The following CDH4 variants were observed in gnomAD, a reference collection of about 807,000 sequenced individuals.
CDH4 encodes cadherin-4.
CDH4 carries 33 observed loss-of-function variants against 86.0 expected under a neutral mutation model. The ratio of observed to expected loss-of-function variants is 0.38; its 90% CI spans 0.29 to 0.51. The LOEUF (loss-of-function observed/expected upper bound fraction) is 0.51. Ranked by LOEUF, CDH4 falls within the 20% of genes least tolerant of loss-of-function variation. CDH4 has a pLI of 0.86. For synonymous variants in CDH4, 555 were observed against 549.4 expected (o/e 1.01, Z -0.14); for missense variants, 1,114 against 1,307.4 (o/e 0.85, Z 2.28).
intron 2 of CDH4, among the ~76,000 whole-genome samples, chr20:61,437,720 T>C (rs774335889): frequency 8.5e-5 from 13 of 152,182 alleles, no homozygotes; most frequent in Non-Finnish European, 1.9e-4. Context: ...TCCATTGTAC[T>C]CCACTTAAAA....
chr20:61,545,698 C>T (rs560920171), intron 2 of CDH4, among the ~76,000 whole-genome samples: 23 of 152,258 alleles, frequency 1.5e-4, no homozygotes, highest in African/African-American at 4.6e-4. Context: ...TCATGCTTGG[C>T]GCCAGCGGGC....
chr20:61,794,876 G>A (rs926026350), intron 4 of CDH4, among the ~76,000 whole-genome samples: 11 of 152,180 alleles, frequency 7.2e-5, no homozygotes, highest in African/African-American at 1.2e-4. Context: ...GTAACTATGC[G>A]CCTTATAGGA....
At chr20:61,862,854 C>T (rs371282914) in intron 6 of CDH4, among the ~76,000 whole-genome samples, 14 of 152,298 alleles carry the variant, frequency 9.2e-5, no homozygotes, top group African/African-American at 3.4e-4. Context: ...GCAGGGAAAT[C>T]TGCGTGCTGC....
At chr20:61,775,677 C>T (rs1267719227) in intron 4 of CDH4, among the ~76,000 whole-genome samples, 1 of 152,194 alleles carries the variant, frequency 6.6e-6, no homozygotes, top group Non-Finnish European at 1.5e-5. Context: ...CCCTCACAGG[C>T]ACAGGGTAGG....
intron 2 of CDH4, among the ~76,000 whole-genome samples, chr20:61,514,750 T>C (rs183928987): frequency 6.6e-6 from 1 of 152,320 alleles, no homozygotes; most frequent in Admixed American, 6.5e-5. Context: ...TTGAGACCAA[T>C]AGATTTATTG....
In CDH4 at chr20:61,777,617, C is replaced by T. The variant is rs1453232221; in HGVS notation, c.576+4435C>T. Among the ~76,000 whole-genome samples, 7 of 151,794 alleles carry T rather than the reference C, an allele frequency of 4.6e-5. 1 individual carries two copies. The East Asian group carries it at 5.8e-4, about 13-fold the overall frequency. ...GTGCACACACATCCACATGCGCACA[C>T]ACGTGCATACAAAAACACACGTCTA... On this transcript the variant is annotated intron_variant, in intron 4 of 15. Coordinates refer to ENST00000614565, the MANE Select transcript of CDH4 (RefSeq NM_001794.5).
intron 2 of CDH4, among the ~76,000 whole-genome samples, chr20:61,335,601 G>C (rs540975747): frequency 1.3e-5 from 2 of 152,114 alleles, no homozygotes; most frequent in Admixed American, 6.5e-5. Flanking sequence ...TCAGATTTCC[G>C]TCAAGAAAAT....
intron 2 of CDH4, among the ~76,000 whole-genome samples, chr20:61,301,068 G>A (rs540946805): frequency 2.6e-5 from 4 of 152,330 alleles, no homozygotes; most frequent in South Asian, 2.1e-4. Context: ...CAGTGTGCCC[G>A]GGGCTGCGCC....
rs771747824 is a variant in CDH4 at position 61,528,483 on chromosome 20, A to G, written c.170-215080A>G. Among the ~76,000 whole-genome samples the G allele has an allele frequency of 1.8e-3, 224 of 122,260 alleles. 1 individual carries two copies. Among genetic ancestry groups the G allele is most frequent in the Non-Finnish European group, 3.3e-3 (191 of 58,682 alleles). The allele number at this position is 122,260 out of a possible 152,430, so 80.2% of individuals were successfully genotyped here. On this transcript the variant is annotated intron_variant, in intron 2 of 15. Coordinates refer to ENST00000614565, the MANE Select transcript of CDH4 (RefSeq NM_001794.5). The stretch of plus-strand genomic sequence containing the variant: ...GGAGAGGGAGGGGGAGGGGGAGAAA[A>G]TACAGGCTGGGCACAGTGGCTCACA...
intron 2 of CDH4, among the ~76,000 whole-genome samples, chr20:61,353,574 C>T (rs966889726): frequency 3.0e-5 from 3 of 98,592 alleles, no homozygotes; most frequent in African/African-American, 1.1e-4. Context: ...ACTTCTTGTG[C>T]ATCCTGGCTT....
chr20:61,253,989 T>A, intron 1 of CDH4, among the ~76,000 whole-genome samples: 1 of 152,134 alleles, frequency 6.6e-6, no homozygotes, highest in East Asian at 1.9e-4. Context: ...CTCCACCACC[T>A]CCTCCTGCCT....
chr20:61,790,466 A>C (rs1979118714), intron 4 of CDH4, among the ~76,000 whole-genome samples: 1 of 148,962 alleles, frequency 6.7e-6, no homozygotes, highest in Non-Finnish European at 1.5e-5. Flanking sequence ...CCATCCATCC[A>C]CCCACCCACC....
At chr20:61,631,998 C>T (rs1325061985) in intron 2 of CDH4, among the ~76,000 whole-genome samples, 1 of 152,262 alleles carries the variant, frequency 6.6e-6, no homozygotes, top group Non-Finnish European at 1.5e-5. Context: ...CCATCCAGTG[C>T]ATCGTGAAGG....
At chr20:61,325,852 C>T (rs1196276403) in intron 2 of CDH4, among the ~76,000 whole-genome samples, 1 of 152,182 alleles carries the variant, frequency 6.6e-6, no homozygotes, top group Non-Finnish European at 1.5e-5. Context: ...AACCCAACAC[C>T]ATGTGTGCTT....
chr20:61,314,183 C>A (rs2084463559), intron 2 of CDH4, among the ~76,000 whole-genome samples: 1 of 152,198 alleles, frequency 6.6e-6, no homozygotes, highest in Admixed American at 6.6e-5. Flanking sequence ...TACAGTGTTG[C>A]TACCCCTGGT....
intron 2 of CDH4, among the ~76,000 whole-genome samples, chr20:61,423,148 A>G (rs1317010732): frequency 1.3e-5 from 2 of 152,114 alleles, no homozygotes; most frequent in African/African-American, 4.8e-5. Flanking sequence ...TGGAAGCACA[A>G]TGGGGGAAGC....
At position 61,811,006 on chromosome 20, in the gene CDH4, G is replaced by A. The variant is rs1316748941; in HGVS notation, c.577-33662G>A. 1.3e-5 allele frequency among the ~76,000 whole-genome samples: 2 copies of A among 152,210 alleles called. No individual in the cohort carries two copies. Among genetic ancestry groups the A allele is most frequent in the Non-Finnish European group, 2.9e-5 (2 of 68,048 alleles). On this transcript the variant is annotated intron_variant, in intron 4 of 15. Transcript: ENST00000614565. This position sits in a 1 kb window ranked among gnomAD's most constrained non-coding sequence, Gnocchi z 4.4. ...GGAGCTAGAAAGGAATCAGTCAAAC[G>A]AACTCATGGCTCTTCATCCCCTGCA...
intron 2 of CDH4, among the ~76,000 whole-genome samples, chr20:61,296,274 T>TGTGG (rs2084352876): frequency 8.1e-5 from 1 of 12,372 alleles, no homozygotes; most frequent in Non-Finnish European, 2.9e-4. Flanking sequence ...TGTGTGTGTG[T>TGTGG]GCGTGGGTGC....
intron 2 of CDH4, among the ~76,000 whole-genome samples, chr20:61,378,274 T>G (rs2084882893): frequency 6.6e-6 from 1 of 152,184 alleles, no homozygotes; most frequent in African/African-American, 2.4e-5. Flanking sequence ...AAAAATTTAT[T>G]GGGATATAGT....
Sources: allele counts gnomAD v4.1 joint callset (sites outside exome capture counted in the v4.1 genomes callset), GRCh38; gene constraint gnomAD v4.1.1; non-coding constraint Gnocchi (gnomAD v3.1); transcripts MANE v1.5; gene names NCBI Gene and HGNC (gene_info 2026-07-23, HGNC 2026-07-21).